DNAJC12: variants seen among roughly 807,000 people sequenced by gnomAD.
DNAJC12 encodes the protein dnaJ homolog subfamily C member 12.
DNAJC12 carries 25 observed loss-of-function variants against 28.5 expected under a neutral mutation model. That is an observed-to-expected ratio of 0.88 (90% CI 0.64 to 1.22). The LOEUF is 1.22. Ranked by LOEUF, DNAJC12 falls within the 50% of genes most tolerant of loss-of-function variation. DNAJC12 has a pLI of 0.00. For missense variants in DNAJC12, 222 were observed against 231.7 expected (o/e 0.96, Z 0.27); for synonymous variants, 77 against 80.6 (o/e 0.95, Z 0.24).
chr10:67,805,580 T>C lies in DNAJC12; in HGVS notation c.502+3A>G, dbSNP rs199669476. The C allele has an allele frequency of 6.2e-7, 1 of 1,603,704 alleles. No homozygotes were observed. Among genetic ancestry groups the C allele is most frequent in the African/African-American group, 1.3e-5 (1 of 74,144 alleles). Reference sequence around the variant, plus strand: ...CATTCTGCAGTTATATAACGTGACTTACCTGAAGAATCTGAATTTTGCGGG... The same window carrying C: ...CATTCTGCAGTTATATAACGTGACTCACCTGAAGAATCTGAATTTTGCGGG... On this transcript the variant is annotated splice_donor_region_variant and intron_variant, in intron 4 of 4. Coordinates refer to ENST00000225171, the MANE Select transcript of DNAJC12 (RefSeq NM_021800.3).
intron 2 of DNAJC12, among the ~76,000 whole-genome samples, chr10:67,819,660 G>GAGAGAGAAAGAAAGAA (rs1841952463): frequency 2.9e-5 from 1 of 34,908 alleles, no homozygotes. Context: ...AAGAAAGAAA[G>GAGAGAGAAAGAAAGAA]AGAAAGAAAG....
chr10:67,813,165 C>T (rs977430420), intron 2 of DNAJC12, among the ~76,000 whole-genome samples: 1 of 152,128 alleles, frequency 6.6e-6, no homozygotes, highest in Non-Finnish European at 1.5e-5. Flanking sequence ...GAAACCCAGA[C>T]AACTCGCTCA....
chr10:67,803,747 T>C (rs1189273730), intron 4 of DNAJC12, among the ~76,000 whole-genome samples: 5 of 152,214 alleles, frequency 3.3e-5, no homozygotes, highest in South Asian at 4.1e-4. Context: ...ATTCATCGTG[T>C]TTACATGTAG....
At chr10:67,833,300 T>G (rs1260675877) in intron 1 of DNAJC12, among the ~76,000 whole-genome samples, 1 of 152,194 alleles carries the variant, frequency 6.6e-6, no homozygotes, top group Non-Finnish European at 1.5e-5. Flanking sequence ...GGCTGTTTTC[T>G]CCAATGGCAG....
At chr10:67,812,713 G>A (rs1346898566) in intron 2 of DNAJC12, among the ~76,000 whole-genome samples, 1 of 151,960 alleles carries the variant, frequency 6.6e-6, no homozygotes, top group Admixed American at 6.6e-5. Context: ...AAATAGCTGG[G>A]GGTGGTGGCA....
rs769789184 is a variant in DNAJC12, at chr10:67,811,600, C to T, written c.221G>A (p.Arg74His). 7.4e-6 allele frequency: 12 copies of T among 1,614,066 alleles called. No homozygotes were observed. Among genetic ancestry groups the T allele is most frequent in the Middle Eastern group, 1.6e-4 (1 of 6,084 alleles). The change falls in exon 3 of 5, where the codon CGC becomes CAC. Residue 74 changes from arginine to histidine, a missense_variant. By Grantham distance (29) the Arg-to-His change is conservative. Transcript: ENST00000225171. ...EILTNEESRA[R>H]YDHWRRSQMS... The stretch of plus-strand genomic sequence containing the variant: ...CTGGCTCCTTCGCCAGTGGTCATAG[C>T]GGGCTCGACTCTCTTCATTGGTCAG...
intron 2 of DNAJC12, 91 bp from the exon 3 acceptor site, chr10:67,811,754 C>G: frequency 6.6e-7 from 1 of 1,518,504 alleles, no homozygotes; most frequent in Non-Finnish European, 8.8e-7. Flanking sequence ...AAAACCATGA[C>G]TGCCACTTAA....
intron 1 of DNAJC12, among the ~76,000 whole-genome samples, chr10:67,834,251 A>G (rs986767376): frequency 4.6e-5 from 7 of 152,178 alleles, no homozygotes; most frequent in Non-Finnish European, 7.3e-5. Context: ...GGTTAAGGGT[A>G]TATAGGAACT....
rs1434391935 is a variant in DNAJC12, at chr10:67,838,176, C to T, written c.-165G>A. On this transcript the variant is annotated 5_prime_UTR_variant, in exon 1 of 5. Transcript: ENST00000225171. ...CAATACACCAGATGTCATCCTAGAC[C>T]TTTGTAAACTCTGCCTCTCATTGGC... The T allele has an allele frequency of 5.9e-6, 3 of 507,672 alleles. No homozygotes were observed. Among genetic ancestry groups the T allele is most frequent in the African/African-American group, 4.0e-5 (2 of 50,602 alleles). The allele number at this position is 507,672 out of a possible 1,614,324, so 31.4% of individuals were successfully genotyped here.
intron 1 of DNAJC12, among the ~76,000 whole-genome samples, chr10:67,830,374 T>C (rs558282011): frequency 1.3e-4 from 20 of 150,404 alleles, no homozygotes; most frequent in Non-Finnish European, 2.8e-4. Context: ...TTTGGGAGGC[T>C]GAGGCGGGCG....
Position 67,799,875 on chromosome 10 carries a change from T to C in DNAJC12, c.503-2665A>G, listed in dbSNP as rs1211441079. ...TCCAGCCTGGGCGACAGAGCGAGAC[T>C]GTCAAAAAAAAAAAAATGTAGTTTC... is the stretch of plus-strand genomic sequence containing the variant. On this transcript the variant is annotated intron_variant, in intron 4 of 4. Coordinates refer to ENST00000225171, the MANE Select transcript of DNAJC12 (RefSeq NM_021800.3). Among the ~76,000 whole-genome samples, 3 of 10,470 alleles carry C rather than the reference T, an allele frequency of 2.9e-4. No homozygotes were observed. The East Asian group carries it at 0.021, about 72-fold the overall frequency. 6.9% of individuals were successfully genotyped at this position (10,470 alleles called of 152,430 possible).
rs1433756738 is a variant in DNAJC12 at position 67,805,617 on chromosome 10, C to T, written c.468G>A (p.Glu156=). The T allele has an allele frequency of 1.9e-6, 3 of 1,612,532 alleles. No homozygotes were observed. Among genetic ancestry groups the T allele is most frequent in the African/African-American group, 1.3e-5 (1 of 74,934 alleles). ...KTEQKEPKPL[E]KSVSPQNSDS... The stretch of plus-strand genomic sequence containing the variant: ...CTGAATTTTGCGGGGAGACTGACTT[C>T]TCTAGGGGCTTGGGTTCTTTCTGCT... The change falls in exon 4 of 5, where the codon GAG becomes GAA. Residue 156 remains glutamate (E), a synonymous_variant. Coordinates refer to ENST00000225171, the MANE Select transcript of DNAJC12 (RefSeq NM_021800.3).
In DNAJC12 at chr10:67,797,192, C is replaced by A; in HGVS notation, c.521G>T (p.Gly174Val). The A allele has an allele frequency of 1.2e-6, 2 of 1,613,602 alleles. No homozygotes were observed. The highest frequency in any genetic ancestry group is 1.7e-6 in the Non-Finnish European group (2 of 1,179,764). Residue 174 changes from glycine to valine, a missense_variant, in exon 5 of 5, where the codon GGT (glycine) becomes GTT (valine). By Grantham distance (109) the Gly-to-Val change is moderately radical. Transcript: ENST00000225171. ...GGACCAGCGGAAACGAAGGTGCCAA[C>A]CATTCACATCTGCAAAACCTTTAAA... ...SDSSGFADVN[G>V]WHLRFRWSKD...
intron 4 of DNAJC12, among the ~76,000 whole-genome samples, chr10:67,799,790 G>A (rs1019081810): frequency 6.6e-6 from 1 of 150,740 alleles, no homozygotes; most frequent in African/African-American, 2.4e-5. Flanking sequence ...GGCTGAGGCA[G>A]GAGAATCACT....
intron 1 of DNAJC12, among the ~76,000 whole-genome samples, chr10:67,828,672 CTCTATA>C (rs941715936): frequency 2.6e-5 from 4 of 151,248 alleles, no homozygotes; most frequent in African/African-American, 7.3e-5. Context: ...CTCTCTCTCT[CTCTATA>C]TATATATATA....
intron 2 of DNAJC12, among the ~76,000 whole-genome samples, chr10:67,819,149 A>T (rs1841945599): frequency 6.6e-6 from 1 of 151,600 alleles, no homozygotes; most frequent in Non-Finnish European, 1.5e-5. Context: ...CTAGCTAACA[A>T]GGTGAAACCC....
chr10:67,833,805 G>C (rs1842117173), intron 1 of DNAJC12: 1 of 499,474 alleles, frequency 2.0e-6, no homozygotes, highest in Non-Finnish European at 4.1e-6. Flanking sequence ...CATTGCTGCT[G>C]CAGGATTTGC....
chr10:67,829,010 G>C (rs947671207), intron 1 of DNAJC12, among the ~76,000 whole-genome samples: 4 of 151,964 alleles, frequency 2.6e-5, no homozygotes, highest in Non-Finnish European at 4.4e-5. Context: ...AGAGGGAGGT[G>C]GGGGGAAAGT....
chr10:67,822,890 G>A (rs1397321769), intron 2 of DNAJC12, among the ~76,000 whole-genome samples: 1 of 151,906 alleles, frequency 6.6e-6, no homozygotes, highest in African/African-American at 2.4e-5. Context: ...AGCTACTCAG[G>A]AGGCTGAGGC....
Sources: gnomAD v4.1 joint callset for allele counts (sites outside exome capture counted in the v4.1 genomes callset) on GRCh38, gnomAD v4.1.1 for gene constraint, MANE v1.5 for transcripts, NCBI Gene and HGNC (gene_info 2026-07-23, HGNC 2026-07-21) for gene names.